The following CCDC88C variants were observed in gnomAD, a reference collection of about 807,000 sequenced individuals.
The protein encoded by CCDC88C is protein Daple.
Under a neutral mutation model 198.8 loss-of-function variants are expected in CCDC88C, and 131 were observed. The ratio of observed to expected loss-of-function variants is 0.66; its 90% confidence interval spans 0.57 to 0.76. The LOEUF (loss-of-function observed/expected upper bound fraction) is 0.76, where lower values mean the gene tolerates loss of function less well. CCDC88C is among the 30% of genes least tolerant of loss of function. CCDC88C has a pLI of 0.00. For synonymous variants in CCDC88C, 1,166 were observed against 1,114.7 expected (o/e 1.05, Z -0.92); for missense variants, 2,553 against 2,631.6 (o/e 0.97, Z 0.65).
In CCDC88C at chr14:91,417,738, T is replaced by C. The variant is rs1276787012; in HGVS notation, c.-48A>G. 2 of 1,393,752 alleles carry C rather than the reference T, an allele frequency of 1.4e-6. No homozygotes were observed. Among genetic ancestry groups the C allele is most frequent in the Non-Finnish European group, 1.9e-6 (2 of 1,049,148 alleles). The allele number at this position is 1,393,752 out of a possible 1,614,324, so 86.3% of individuals were successfully genotyped here. A position where few individuals can be genotyped will look rare whatever the true frequency, so the allele number is the denominator to read the frequency against. On this transcript the variant is annotated 5_prime_UTR_variant, in exon 1 of 30. Coordinates refer to ENST00000389857, the MANE Select transcript of CCDC88C (RefSeq NM_001080414.4). ...CCGCGCCCCCCGCCCCGCGTCCCCG[T>C]TCCCCCGCGCCGCGGCACAAAACGG...
At chr14:91,359,464 T>C (rs567414262) in intron 4 of CCDC88C, among the ~76,000 whole-genome samples, 178 bp downstream of exon 4, 29 of 152,226 alleles carry the variant, frequency 1.9e-4, no homozygotes, top group African/African-American at 6.5e-4. Context: ...AAGGAAGAAA[T>C]GTGCCCTTGG....
intron 12 of CCDC88C, among the ~76,000 whole-genome samples, chr14:91,321,507 G>A (rs1025751587): frequency 2.0e-5 from 3 of 152,218 alleles, no homozygotes; most frequent in Non-Finnish European, 4.4e-5. Flanking sequence ...GCTGGGGTCT[G>A]TCAGGGCAGC....
At chr14:91,346,716 T>A (rs1893558514) in intron 4 of CCDC88C, among the ~76,000 whole-genome samples, 1 of 152,076 alleles carries the variant, frequency 6.6e-6, no homozygotes, top group Non-Finnish European at 1.5e-5. Context: ...CTGGCCAACA[T>A]GGTGAAACCT....
In CCDC88C at chr14:91,278,099, G is replaced by C; in HGVS notation, c.4881C>G (p.Ala1627=). 6.2e-7 allele frequency: 1 copy of C among 1,612,926 alleles called. No individual in the cohort carries two copies. Among genetic ancestry groups the C allele is most frequent in the South Asian group, 1.1e-5 (1 of 90,882 alleles). The change falls in exon 29 of 30, where the codon GCC becomes GCG. Residue 1627 remains alanine, a synonymous_variant. Coordinates refer to ENST00000389857, the MANE Select transcript of CCDC88C (RefSeq NM_001080414.4). ...PREASTPGRN[A]LGRHEYPLPR... Reference sequence around the variant, plus strand: ...GCAAGGGGTACTCGTGGCGGCCGAGGGCGTTGCGTCCCGGTGTGCTGGCTT... The same window carrying C: ...GCAAGGGGTACTCGTGGCGGCCGAGCGCGTTGCGTCCCGGTGTGCTGGCTT...
chr14:91,401,268 ATATATAT>A (rs901588078), intron 3 of CCDC88C, among the ~76,000 whole-genome samples: 14 of 144,738 alleles, frequency 9.7e-5, no homozygotes, highest in South Asian at 6.3e-4. Flanking sequence ...TATATACATT[ATATATAT>A]TATATATTAT....
chr14:91,391,735 T>C (rs926592610), intron 3 of CCDC88C, among the ~76,000 whole-genome samples: 2 of 152,120 alleles, frequency 1.3e-5, no homozygotes, highest in Non-Finnish European at 2.9e-5. Flanking sequence ...GCTGAGATCA[T>C]GCCACTGTAC....
At chr14:91,290,419 C>T (rs1340466060) in intron 24 of CCDC88C, among the ~76,000 whole-genome samples, 1 of 152,200 alleles carries the variant, frequency 6.6e-6, no homozygotes, top group Non-Finnish European at 1.5e-5. Flanking sequence ...CAGGACAATC[C>T]GAAGGGACAA....
intron 3 of CCDC88C, among the ~76,000 whole-genome samples, chr14:91,366,611 G>C (rs772680925): frequency 1.3e-5 from 2 of 152,234 alleles, no homozygotes; most frequent in Non-Finnish European, 2.9e-5. Flanking sequence ...GATGAGGAAT[G>C]AAGTAGATTG....
Position 91,326,005 on chromosome 14 carries a change from C to A in CCDC88C, c.1102G>T (p.Glu368Ter). 1 of 1,604,420 alleles carries A rather than the reference C, an allele frequency of 6.2e-7. No individual in the cohort carries two copies. Among genetic ancestry groups the A allele is most frequent in the Non-Finnish European group, 8.5e-7 (1 of 1,175,142 alleles). ...CGGGCCCGAGCAGCAGTCAGCTGTT[C>A]CTCCAGCATGGCCTTGGTTTCAATT... ...ILIETKAMLEEQLTAARARGD... is the reference protein window; with the variant it reads ...ILIETKAMLE Residue 368 changes from glutamate to a stop codon, truncating the protein, a stop_gained, in exon 11 of 30, where the codon GAA (glutamate) becomes TAA (stop). Coordinates refer to ENST00000389857, the MANE Select transcript of CCDC88C (RefSeq NM_001080414.4). LOFTEE classifies it high-confidence loss of function.
At chr14:91,367,801 C>G (rs1302862396) in intron 3 of CCDC88C, among the ~76,000 whole-genome samples, 2 of 152,144 alleles carry the variant, frequency 1.3e-5, no homozygotes, top group African/African-American at 4.8e-5. Context: ...GAGCATCAAA[C>G]TGAACTACCA....
chr14:91,312,549 G>C (rs571149525), intron 15 of CCDC88C, among the ~76,000 whole-genome samples: 1 of 152,294 alleles, frequency 6.6e-6, no homozygotes, highest in African/African-American at 2.4e-5. Flanking sequence ...GCCAGGTGTG[G>C]TAGTGTGCAT....
chr14:91,402,776 T>C (rs1292604480), intron 3 of CCDC88C, among the ~76,000 whole-genome samples: 1 of 152,146 alleles, frequency 6.6e-6, no homozygotes, highest in Non-Finnish European at 1.5e-5. Flanking sequence ...GAACGACAGG[T>C]ATGTGAGTGT....
intron 25 of CCDC88C, chr14:91,285,834 G>A (rs766675491): frequency 2.3e-6 from 3 of 1,285,678 alleles, no homozygotes; most frequent in Non-Finnish European, 3.0e-6. Context: ...TTGCGCGGAG[G>A]TGCTAAATTG....
At chr14:91,308,280 C>T (rs1413426792) in intron 17 of CCDC88C, 71 bp downstream of exon 17, 4 of 1,576,220 alleles carry the variant, frequency 2.5e-6, no homozygotes, top group Non-Finnish European at 3.5e-6. Context: ...CACTGCTATA[C>T]AGGTGAGGGG....
rs537877796 is a variant in CCDC88C at position 91,339,328 on chromosome 14, G to A, written c.759C>T (p.Ala253=). 1.4e-4 allele frequency: 224 copies of A among 1,613,664 alleles called. 1 individual carries two copies. The South Asian group carries it at 2.2e-3, about 16-fold the overall frequency. ...TGGCCTTGGTGTCGGCCAGCTCTAC[G>A]GCCAGGTGCTGCTTGTCTTCGCTAG... The part of the protein sequence containing the change: ...SLSSEDKQHL[A]VELADTKARL... The change falls in exon 8 of 30, where the codon GCC becomes GCT. Residue 253 remains alanine (A), a synonymous_variant. Transcript: ENST00000389857. This position sits in a 1 kb window ranked among gnomAD's most constrained non-coding sequence, Gnocchi z 5.8.
intron 4 of CCDC88C, among the ~76,000 whole-genome samples, chr14:91,349,619 G>A (rs1893696977): frequency 6.6e-6 from 1 of 152,156 alleles, no homozygotes; most frequent in Non-Finnish European, 1.5e-5. Context: ...AACCCCTGGG[G>A]GAATCCCAGG....
intron 3 of CCDC88C, among the ~76,000 whole-genome samples, chr14:91,375,769 G>C (rs1884371034): frequency 6.6e-6 from 1 of 152,220 alleles, no homozygotes. Flanking sequence ...CCCTGTCCGT[G>C]CCCGGAGCAC....
At chr14:91,395,253 G>A (rs551861907) in intron 3 of CCDC88C, among the ~76,000 whole-genome samples, 6 of 152,186 alleles carry the variant, frequency 3.9e-5, no homozygotes, top group East Asian at 3.9e-4. Flanking sequence ...TGCCCCCTCC[G>A]CCTGCAGAAT....
chr14:91,319,834 T>C (rs1177812334), intron 13 of CCDC88C, among the ~76,000 whole-genome samples: 3 of 152,000 alleles, frequency 2.0e-5, no homozygotes, highest in Non-Finnish European at 4.4e-5. Flanking sequence ...GAGACCAGCC[T>C]GGCCAACATG....
Sources: gnomAD v4.1 joint callset for allele counts (sites outside exome capture counted in the v4.1 genomes callset) on GRCh38, gnomAD v4.1.1 for gene constraint, Gnocchi (gnomAD v3.1) non-coding constraint, MANE v1.5 for transcripts, NCBI Gene and HGNC (gene_info 2026-07-23, HGNC 2026-07-21) for gene names.